Variants in CCDC73 observed in about 807,000 individuals in gnomAD.
The protein encoded by CCDC73 is coiled-coil domain containing 73, also known as coiled-coil domain-containing protein 73.
CCDC73 carries 95 observed loss-of-function variants against 116.5 expected under a neutral mutation model. The ratio of observed to expected loss-of-function variants is 0.82; its 90% CI spans 0.69 to 0.97. The LOEUF is 0.97. CCDC73 is among the 50% of genes least tolerant of loss of function. CCDC73 has a pLI of 0.00. For missense variants in CCDC73, 1,066 were observed against 1,206.8 expected, an observed-to-expected ratio of 0.88 and a Z score of 1.73; for synonymous variants, 398 against 401.3, an observed-to-expected ratio of 0.99 and a Z score of 0.10.
chr11:32,825,961 A>T, the CCDC73 span, among the ~76,000 whole-genome samples: 1 of 152,182 alleles, frequency 6.6e-6, no homozygotes, highest in African/African-American at 2.4e-5. Flanking sequence ...AGATTAATAT[A>T]TTTTAAACAT....
intron 2 of CCDC73, chr11:32,758,446 G>A (rs1850362356): frequency 6.3e-6 from 3 of 473,802 alleles, no homozygotes; most frequent in Non-Finnish European, 1.3e-5. Flanking sequence ...TGTGCTGTGA[G>A]ACCTAAAGTT....
At chr11:32,631,854 A>G (rs1358994049) in intron 14 of CCDC73, among the ~76,000 whole-genome samples, 2 of 152,114 alleles carry the variant, frequency 1.3e-5, no homozygotes, top group African/African-American at 4.8e-5. Flanking sequence ...TTCAATAGAC[A>G]TATAGGCAGG....
chr11:32,715,190 T>A (rs982509687), intron 3 of CCDC73, among the ~76,000 whole-genome samples: 4 of 152,200 alleles, frequency 2.6e-5, no homozygotes, highest in Admixed American at 1.3e-4. Context: ...TTAACCATGA[T>A]GGTTTCAAAG....
At chr11:32,665,107 T>C (rs920028882) in intron 9 of CCDC73, among the ~76,000 whole-genome samples, 2 of 152,218 alleles carry the variant, frequency 1.3e-5, no homozygotes, top group African/African-American at 4.8e-5. Flanking sequence ...ATAAGTGTGA[T>C]GTGGTGCTGA....
At chr11:32,670,114 A>T (rs1254235977) in intron 9 of CCDC73, among the ~76,000 whole-genome samples, 1 of 152,200 alleles carries the variant, frequency 6.6e-6, no homozygotes, top group Non-Finnish European at 1.5e-5. Flanking sequence ...ATGCACTAAG[A>T]TAAGTTTCAA....
At chr11:32,792,321 C>T (rs1456487783) in intron 1 of CCDC73, among the ~76,000 whole-genome samples, 1 of 151,882 alleles carries the variant, frequency 6.6e-6, no homozygotes, top group Non-Finnish European at 1.5e-5. Context: ...CATAAGTGTA[C>T]ACTGCTTATG....
chr11:32,687,192 TACAA>T (rs1565076074), intron 6 of CCDC73, among the ~76,000 whole-genome samples: 1 of 152,192 alleles, frequency 6.6e-6, no homozygotes, highest in Non-Finnish European at 1.5e-5. Flanking sequence ...TTAGGTTAGG[TACAA>T]TAAGGTATGT....
chr11:32,626,211 G>A (rs1321764968), intron 14 of CCDC73, among the ~76,000 whole-genome samples: 1 of 152,010 alleles, frequency 6.6e-6, no homozygotes, highest in Non-Finnish European at 1.5e-5. Flanking sequence ...AATCATAAGT[G>A]AACTCCCATT....
At chr11:32,621,374 C>G (rs897520132) in intron 14 of CCDC73, among the ~76,000 whole-genome samples, 2 of 152,152 alleles carry the variant, frequency 1.3e-5, no homozygotes, top group Admixed American at 6.6e-5. Context: ...GACCACACGT[C>G]TACAACCACC....
chr11:32,611,061 C>T (rs1056151257), intron 17 of CCDC73, 71 bp downstream of exon 17: 42 of 1,441,586 alleles, frequency 2.9e-5, no homozygotes, highest in African/African-American at 5.7e-5. Context: ...CATCCAGATG[C>T]GTACAGTTCT....
intron 17 of CCDC73, chr11:32,603,246 C>A (rs1855300519): frequency 2.5e-6 from 1 of 407,158 alleles, no homozygotes; most frequent in Admixed American, 4.0e-5. Context: ...TGTACAAAAA[C>A]TGCCTTTTAC....
chr11:32,660,160 G>A (rs980101179), intron 9 of CCDC73, among the ~76,000 whole-genome samples: 3 of 148,202 alleles, frequency 2.0e-5, no homozygotes, highest in Admixed American at 6.8e-5. Context: ...AGTGAGGCAA[G>A]GTGGAAAATC....
At chr11:32,658,631 A>G (rs1855895106) in intron 9 of CCDC73, among the ~76,000 whole-genome samples, 2 of 152,228 alleles carry the variant, frequency 1.3e-5, no homozygotes, top group African/African-American at 4.8e-5. Flanking sequence ...AAGTTAAATC[A>G]GTATCTTAGT....
the CCDC73 span, among the ~76,000 whole-genome samples, chr11:32,812,128 A>G: frequency 6.6e-6 from 1 of 152,216 alleles, no homozygotes; most frequent in Non-Finnish European, 1.5e-5. Context: ...TCCTCCACTT[A>G]GCAGTGATTT....
chr11:32,675,710 A>C, intron 8 of CCDC73, 66 bp from the exon 9 acceptor site: 1 of 1,359,824 alleles, frequency 7.4e-7, no homozygotes, highest in South Asian at 1.3e-5. Context: ...AGTATCATTA[A>C]GATAAACAGG....
At chr11:32,726,682 TA>T (rs1434490479) in intron 2 of CCDC73, among the ~76,000 whole-genome samples, 5 of 152,120 alleles carry the variant, frequency 3.3e-5, no homozygotes, top group Admixed American at 3.3e-4. Context: ...CAAAATCAAT[TA>T]TAGGCTTGGC....
intron 2 of CCDC73, among the ~76,000 whole-genome samples, chr11:32,748,295 C>T (rs912088908): frequency 1.3e-5 from 2 of 151,170 alleles, no homozygotes; most frequent in Non-Finnish European, 2.9e-5. Context: ...TTGTGCATCT[C>T]TTGTATGGTT....
the CCDC73 span, among the ~76,000 whole-genome samples, chr11:32,802,233 A>G: frequency 2.4e-4 from 37 of 152,154 alleles, no homozygotes; most frequent in Admixed American, 7.9e-4. Context: ...TTCTGGTATT[A>G]TTACTATATG....
At chr11:32,768,605 A>G (rs116612709) in intron 1 of CCDC73, among the ~76,000 whole-genome samples, 3,746 of 152,344 alleles carry the variant, frequency 0.025, 141 homozygotes, top group African/African-American at 0.085. Flanking sequence ...AGAAACCTCA[A>G]TCTATTAATA....
Sources: gnomAD v4.1 joint callset for allele counts (sites outside exome capture counted in the v4.1 genomes callset) on GRCh38, gnomAD v4.1.1 for gene constraint, MANE v1.5 for transcripts, NCBI Gene and HGNC (gene_info 2026-07-23, HGNC 2026-07-21) for gene names.